The following COLEC12 variants were observed in gnomAD, a reference collection of about 807,000 sequenced individuals.
The protein encoded by COLEC12 is collectin subfamily member 12.
In COLEC12, 33 loss-of-function variants were observed where a neutral mutation model predicts 71.1. That is an observed-to-expected ratio of 0.46 (90% CI 0.35 to 0.62). COLEC12 has a LOEUF of 0.62. Among genes scored for constraint, COLEC12 ranks in the 20% least tolerant of loss-of-function variants. COLEC12 has a pLI of 0.00. For synonymous variants in COLEC12, 350 were observed against 353.0 expected (o/e 0.99, Z 0.10); for missense variants, 765 against 916.1 (o/e 0.84, Z 2.13).
At chr18:322,720 G>A (rs1913738884) in intron 8 of COLEC12, among the ~76,000 whole-genome samples, 1 of 152,150 alleles carries the variant, frequency 6.6e-6, no homozygotes, top group African/African-American at 2.4e-5. Flanking sequence ...GCAGCGGAGG[G>A]TGCTTCCTAT....
At chr18:334,153 C>T (rs113291712) in intron 6 of COLEC12, 4,020 of 152,466 alleles carry the variant, frequency 0.026, 185 homozygotes, top group African/African-American at 0.092. Context: ...TACTTCACTT[C>T]GTCATTCCAG....
At chr18:368,794 A>G (rs56341854) in intron 2 of COLEC12, among the ~76,000 whole-genome samples, 15,430 of 152,208 alleles carry the variant, frequency 0.1, 1,014 homozygotes, top group Non-Finnish European at 0.15. Flanking sequence ...TGAACCCGGG[A>G]GGCGGAGCTT....
intron 2 of COLEC12, among the ~76,000 whole-genome samples, chr18:459,475 C>G (rs540607030): frequency 4.1e-4 from 62 of 152,310 alleles, no homozygotes; most frequent in Middle Eastern, 3.4e-3. Context: ...TTATAAGTGA[C>G]ACTGTAAATC....
At chr18:491,246 G>A (rs1044874069) in intron 1 of COLEC12, among the ~76,000 whole-genome samples, 46 of 152,220 alleles carry the variant, frequency 3.0e-4, no homozygotes, top group African/African-American at 1.1e-3. Context: ...CTTCCACAGT[G>A]TGTCACCTGG....
intron 2 of COLEC12, among the ~76,000 whole-genome samples, chr18:425,355 G>C (rs1045465828): frequency 6.6e-6 from 1 of 152,072 alleles, no homozygotes; most frequent in African/African-American, 2.4e-5. Context: ...CTCCCACCCA[G>C]GGCTCATTCT....
intron 1 of COLEC12, among the ~76,000 whole-genome samples, chr18:492,694 C>CA (rs61017327): frequency 0.013 from 1,785 of 138,118 alleles, 10 homozygotes; most frequent in Non-Finnish European, 0.017. Flanking sequence ...TCTCTGGAGA[C>CA]AAAAAAAAAA....
In COLEC12 at chr18:352,020, G is replaced by A. The variant is rs186037304; in HGVS notation, c.182-3857C>T. 1.0e-3 allele frequency among the ~76,000 whole-genome samples: 158 copies of A among 152,290 alleles called. 1 individual carries two copies. The highest frequency in any genetic ancestry group is 3.4e-3 in the Middle Eastern group (1 of 294). On this transcript the variant is annotated intron_variant, in intron 3 of 9. Transcript: ENST00000400256. ...GCTGAGCTACAGGGCAAGCAAACAC[G>A]TGTTTCCCAACCAACCCAGGGAAGC...
Position 436,034 on chromosome 18 carries a change from A to T in COLEC12, c.58+44673T>A, listed in dbSNP as rs114934980. Among the ~76,000 whole-genome samples the T allele has an allele frequency of 5.4e-3, 826 of 152,338 alleles. 3 individuals carry two copies. Among genetic ancestry groups the T allele is most frequent in the African/African-American group, 0.019 (790 of 41,586 alleles). On this transcript the variant is annotated intron_variant, in intron 2 of 9. Transcript: ENST00000400256. ...AAGTCAGAATCTGTGACTAATGGGC[A>T]TAGTATGTCAGCCACATTATTGCTA...
chr18:357,263 T>A (rs1018619264), intron 3 of COLEC12, 137 bp downstream of exon 3: 22 of 766,662 alleles, frequency 2.9e-5, no homozygotes, highest in Non-Finnish European at 4.5e-5. Context: ...GATACAGAGA[T>A]GAAGTTTATC....
intron 2 of COLEC12, among the ~76,000 whole-genome samples, chr18:367,531 C>T (rs530664261): frequency 5.0e-4 from 76 of 152,260 alleles, no homozygotes; most frequent in Non-Finnish European, 9.3e-4. Flanking sequence ...ATTAAGGGAA[C>T]GAAGCCAAGA....
intron 2 of COLEC12, 84 bp from the exon 3 acceptor site, chr18:357,606 G>T: frequency 1.8e-6 from 2 of 1,128,074 alleles, no homozygotes; most frequent in South Asian, 1.8e-5. Flanking sequence ...TCAAATATTG[G>T]GACTAAGAAT....
intron 2 of COLEC12, among the ~76,000 whole-genome samples, chr18:367,223 T>C (rs1301369697): frequency 6.6e-6 from 1 of 152,220 alleles, no homozygotes; most frequent in Non-Finnish European, 1.5e-5. Context: ...GGAACAGCGC[T>C]GAGCAGGACA....
intron 2 of COLEC12, among the ~76,000 whole-genome samples, chr18:378,826 A>G (rs147622024): frequency 4.7e-4 from 71 of 151,404 alleles, no homozygotes; most frequent in African/African-American, 1.7e-3. Flanking sequence ...CCATTCTTAC[A>G]TCTCCTTCCT....
At chr18:370,471 C>G (rs1914976197) in intron 2 of COLEC12, among the ~76,000 whole-genome samples, 1 of 152,156 alleles carries the variant, frequency 6.6e-6, no homozygotes, top group Non-Finnish European at 1.5e-5. Context: ...AAGGTGTTCC[C>G]CACTTCCCCG....
At chr18:323,516 G>A (rs1598324744) in intron 8 of COLEC12, among the ~76,000 whole-genome samples, 2 of 152,318 alleles carry the variant, frequency 1.3e-5, no homozygotes, top group African/African-American at 4.8e-5. Context: ...ATCTCAGCCT[G>A]TGACAATCTC....
intron 2 of COLEC12, among the ~76,000 whole-genome samples, chr18:385,133 C>T (rs1160039171): frequency 1.3e-5 from 2 of 152,040 alleles, no homozygotes; most frequent in Admixed American, 6.6e-5. Flanking sequence ...TTATCTAGGT[C>T]AAATAGTTGG....
chr18:395,675 A>G (rs1228078364), intron 2 of COLEC12, among the ~76,000 whole-genome samples: 1 of 152,176 alleles, frequency 6.6e-6, no homozygotes, highest in Non-Finnish European at 1.5e-5. Context: ...GAGCACGTTT[A>G]CATTTGAGAC....
intron 2 of COLEC12, among the ~76,000 whole-genome samples, chr18:372,616 C>T (rs1022794662): frequency 2.0e-5 from 3 of 152,070 alleles, no homozygotes; most frequent in African/African-American, 7.2e-5. Context: ...TGGGGTTTCA[C>T]CATATTGCCC....
intron 2 of COLEC12, among the ~76,000 whole-genome samples, chr18:458,678 T>G (rs1374784891): frequency 3.3e-5 from 5 of 152,258 alleles, no homozygotes; most frequent in Non-Finnish European, 7.3e-5. Context: ...TTTGGACCTC[T>G]TCATCTAAAC....
Sources: gnomAD v4.1 joint callset for allele counts (sites outside exome capture counted in the v4.1 genomes callset) on GRCh38, gnomAD v4.1.1 for gene constraint, MANE v1.5 for transcripts, NCBI Gene and HGNC (gene_info 2026-07-23, HGNC 2026-07-21) for gene names.